The following GAB1 variants were observed in gnomAD, a reference collection of about 807,000 sequenced individuals.
GAB1 encodes GRB2 associated binding protein 1.
Under a neutral mutation model 66.5 loss-of-function variants are expected in GAB1, and 19 were observed. The observed-to-expected ratio is 0.29, with a 90% CI of 0.20 to 0.42. The LOEUF is 0.42. GAB1 is among the 10% of genes least tolerant of loss of function. The pLI is 1.00. For missense variants in GAB1, 732 were observed against 858.5 expected (o/e 0.85, Z 1.84); for synonymous variants, 294 against 301.4 (o/e 0.98, Z 0.25).
intron 1 of GAB1, among the ~76,000 whole-genome samples, chr4:143,359,025 G>T (rs1457753903): frequency 6.6e-6 from 1 of 152,154 alleles, no homozygotes; most frequent in Non-Finnish European, 1.5e-5. Context: ...GTATAATCCA[G>T]ACTGGCTTGT....
chr4:143,353,398 T>A (rs916853991), intron 1 of GAB1, among the ~76,000 whole-genome samples: 24 of 152,232 alleles, frequency 1.6e-4, no homozygotes, highest in Admixed American at 5.9e-4. Context: ...GTATGTTTTC[T>A]AATCTATCTC....
At chr4:143,340,401 TG>T (rs1317617597) in intron 1 of GAB1, among the ~76,000 whole-genome samples, 1 of 152,214 alleles carries the variant, frequency 6.6e-6, no homozygotes, top group Non-Finnish European at 1.5e-5. Context: ...ATTTGGCCCA[TG>T]GGACTTTGAC....
intron 1 of GAB1, among the ~76,000 whole-genome samples, chr4:143,355,888 T>A (rs572896148): frequency 6.6e-6 from 1 of 152,312 alleles, no homozygotes; most frequent in East Asian, 1.9e-4. Flanking sequence ...TACTGGATCC[T>A]GCTTTCCTAC....
At chr4:143,421,698 C>CTTTTTTTTTTTTTTTTTTTTTTTTTTTT (rs70953733) in intron 2 of GAB1, among the ~76,000 whole-genome samples, 4 of 118,688 alleles carry the variant, frequency 3.4e-5, no homozygotes, top group Non-Finnish European at 5.3e-5. Flanking sequence ...CTTTTCTTTT[C>CTTTTTTTTTTTTTTTTTTTTTTTTTTTT]TTTTTTTTTT....
Position 143,469,445 on chromosome 4 carries a change from C to G in GAB1, c.*256C>G, listed in dbSNP as rs1735974891. On this transcript the variant is annotated 3_prime_UTR_variant, in exon 10 of 10. Transcript: ENST00000262994. ...AGAAACATTTGTTCCACAGTTAACA[C>G]ACTCGTAGTATTACTGTATTTATGC... The G allele has an allele frequency of 2.4e-6, 1 of 413,186 alleles. No homozygotes were observed. Among genetic ancestry groups the G allele is most frequent in the Non-Finnish European group, 4.5e-6 (1 of 223,184 alleles). 25.6% of individuals were successfully genotyped at this position (413,186 alleles called of 1,614,324 possible).
intron 1 of GAB1, among the ~76,000 whole-genome samples, chr4:143,374,081 C>T (rs941629980): frequency 6.6e-6 from 1 of 151,334 alleles, no homozygotes; most frequent in Non-Finnish European, 1.5e-5. Context: ...CCTCATTCTT[C>T]CTGGAGATCT....
chr4:143,401,337 G>A (rs760951167), intron 1 of GAB1, among the ~76,000 whole-genome samples: 1 of 152,156 alleles, frequency 6.6e-6, no homozygotes, highest in Non-Finnish European at 1.5e-5. Flanking sequence ...GATTGCAATT[G>A]TTGGTAAACA....
At chr4:143,415,076 A>G (rs902681421) in intron 1 of GAB1, among the ~76,000 whole-genome samples, 2 of 152,030 alleles carry the variant, frequency 1.3e-5, no homozygotes, top group African/African-American at 4.8e-5. Flanking sequence ...ATCATACAAT[A>G]TTTGTCTTTT....
intron 1 of GAB1, among the ~76,000 whole-genome samples, chr4:143,385,104 G>C (rs1261952684): frequency 6.6e-6 from 1 of 152,110 alleles, no homozygotes; most frequent in African/African-American, 2.4e-5. Flanking sequence ...TATCAGCATA[G>C]CTACTTAGGA....
At chr4:143,459,526 T>C (rs777072758) in intron 7 of GAB1, 48 bp downstream of exon 7, 1 of 1,001,542 alleles carries the variant, frequency 1.0e-6, no homozygotes, top group Non-Finnish European at 1.6e-6. Context: ...AATGTGACTA[T>C]CTAGAATTGT....
At chr4:143,371,650 G>C (rs188667368) in intron 1 of GAB1, among the ~76,000 whole-genome samples, 8 of 152,064 alleles carry the variant, frequency 5.3e-5, no homozygotes, top group East Asian at 1.9e-4. Flanking sequence ...ATGGTATTGC[G>C]TAGGTTTTCT....
At chr4:143,468,099 C>CA (rs1364809327) in intron 9 of GAB1, among the ~76,000 whole-genome samples, 1 of 151,688 alleles carries the variant, frequency 6.6e-6, no homozygotes, top group Non-Finnish European at 1.5e-5. Context: ...GAGAGACAGT[C>CA]AAGCTTAAGT....
intron 6 of GAB1, among the ~76,000 whole-genome samples, chr4:143,445,841 G>A (rs892741747): frequency 1.3e-5 from 2 of 152,116 alleles, no homozygotes; most frequent in Non-Finnish European, 1.5e-5. Flanking sequence ...TGTGCACAAT[G>A]TGCAGGTTAG....
In GAB1 at chr4:143,469,264, C is replaced by A; in HGVS notation, c.*75C>A. 1 of 1,434,258 alleles carries A rather than the reference C, an allele frequency of 7.0e-7. No individual in the cohort carries two copies. The highest frequency in any genetic ancestry group is 9.6e-7 in the Non-Finnish European group (1 of 1,041,932). 88.8% of individuals were successfully genotyped at this position (1,434,258 alleles called of 1,614,324 possible). A position where few individuals can be genotyped will look rare whatever the true frequency, so the allele number is the denominator to read the frequency against. The stretch of plus-strand genomic sequence containing the variant: ...AAATCCCTTTTGAAGAATGACTTGA[C>A]ACTTCCACTCTAGGTAGATCCTCAA... On this transcript the variant is annotated 3_prime_UTR_variant, in exon 10 of 10. Transcript: ENST00000262994.
intron 1 of GAB1, among the ~76,000 whole-genome samples, chr4:143,401,223 G>A (rs1731755012): frequency 6.6e-6 from 1 of 152,008 alleles, no homozygotes; most frequent in South Asian, 2.1e-4. Context: ...TTCTGAGACT[G>A]TCTTCAGGTT....
intron 1 of GAB1, among the ~76,000 whole-genome samples, chr4:143,338,402 G>T (rs1047267107): frequency 6.6e-6 from 1 of 152,232 alleles, no homozygotes; most frequent in Non-Finnish European, 1.5e-5. Context: ...TAGAGCTCAG[G>T]TTAATCCTGT....
intron 1 of GAB1, among the ~76,000 whole-genome samples, chr4:143,355,116 A>G (rs1347614553): frequency 6.6e-6 from 1 of 152,216 alleles, no homozygotes; most frequent in African/African-American, 2.4e-5. Context: ...CTCAAAGAGG[A>G]TAAAGGCTAA....
intron 1 of GAB1, among the ~76,000 whole-genome samples, chr4:143,374,492 A>G (rs1324286071): frequency 6.6e-6 from 1 of 152,062 alleles, no homozygotes; most frequent in East Asian, 1.9e-4. Flanking sequence ...GTATGTTCAG[A>G]TTTTCTAGAT....
intron 6 of GAB1, 145 bp downstream of exon 6, chr4:143,440,527 A>G: frequency 1.4e-6 from 1 of 735,230 alleles, no homozygotes; most frequent in South Asian, 2.1e-5. Flanking sequence ...TAAGCAAAGC[A>G]GTACTGCCAT....
Sources: gnomAD v4.1 joint callset for allele counts (sites outside exome capture counted in the v4.1 genomes callset) on GRCh38, gnomAD v4.1.1 for gene constraint, MANE v1.5 for transcripts, NCBI Gene and HGNC (gene_info 2026-07-23, HGNC 2026-07-21) for gene names.